EIF4E3: variants seen among roughly 807,000 people sequenced by gnomAD.
EIF4E3 encodes the protein eukaryotic translation initiation factor 4E type 3.
In EIF4E3, 26 loss-of-function variants were observed where a neutral mutation model predicts 31.7. The ratio of observed to expected loss-of-function variants is 0.82; its 90% CI spans 0.60 to 1.14. The LOEUF is 1.14. Among genes scored for constraint, EIF4E3 ranks in the 50% most tolerant of loss-of-function variants. The pLI is 0.00. For missense variants in EIF4E3, 304 were observed against 270.9 expected, an observed-to-expected ratio of 1.12 and a Z score of -0.86; for synonymous variants, 128 against 107.7, an observed-to-expected ratio of 1.19 and a Z score of -1.17.
rs2048931135 is a variant in EIF4E3, at chr3:71,682,087, T to G, written c.*2595A>C. 6.6e-6 allele frequency: 1 copy of G among 152,212 alleles called. No individual in the cohort carries two copies. The highest frequency in any genetic ancestry group is 2.4e-5 in the African/African-American group (1 of 41,460). The allele number at this position is 152,212 out of a possible 1,614,324, so 9.4% of individuals were successfully genotyped here. On this transcript the variant is annotated 3_prime_UTR_variant, in exon 7 of 7. Coordinates refer to ENST00000425534, the MANE Select transcript of EIF4E3 (RefSeq NM_001134651.2). Reference sequence around the variant, plus strand: ...AAAGACAGTCAAAATATAGGCAAGTTACTTTAAATGGGTATTATTTGTCCT... The same window carrying G: ...AAAGACAGTCAAAATATAGGCAAGTGACTTTAAATGGGTATTATTTGTCCT...
In EIF4E3 at chr3:71,678,367, A is replaced by C. The variant is rs1050991495; in HGVS notation, c.*6315T>G. On this transcript the variant is annotated 3_prime_UTR_variant, in exon 7 of 7. Coordinates refer to ENST00000425534, the MANE Select transcript of EIF4E3 (RefSeq NM_001134651.2). ...TGAACTACTACCCTGAAAAATGAAG[A>C]AGCACAAATTCATAGCAATATAGTC... The C allele has an allele frequency of 3.3e-5, 5 of 152,198 alleles. No individual in the cohort carries two copies. Among genetic ancestry groups the C allele is most frequent in the Non-Finnish European group, 7.4e-5 (5 of 68,012 alleles). The allele number at this position is 152,198 out of a possible 1,614,324, so 9.4% of individuals were successfully genotyped here.
At chr3:71,722,111 A>AGGT (rs1311158322) in intron 1 of EIF4E3, among the ~76,000 whole-genome samples, 1 of 112,672 alleles carries the variant, frequency 8.9e-6, no homozygotes, top group Non-Finnish European at 1.8e-5. Flanking sequence ...CGGGGGTGGG[A>AGGT]GGTGGTTACA....
intron 6 of EIF4E3, among the ~76,000 whole-genome samples, chr3:71,687,022 CAG>C (rs139229000): frequency 0.043 from 6,612 of 152,244 alleles, 158 homozygotes; most frequent in Middle Eastern, 0.071. Flanking sequence ...GTTTTTGAGA[CAG>C]AGTTTTTCTC....
downstream of EIF4E3, among the ~76,000 whole-genome samples, chr3:71,671,046 C>T (rs2048844819): frequency 6.6e-6 from 1 of 152,092 alleles, no homozygotes; most frequent in Admixed American, 6.6e-5. Flanking sequence ...TCCTTCAACT[C>T]ATCTAACAGC....
chr3:71,720,670 C>T (rs1041751467), intron 1 of EIF4E3, among the ~76,000 whole-genome samples: 3 of 152,092 alleles, frequency 2.0e-5, no homozygotes, highest in African/African-American at 7.2e-5. Context: ...GGCAGAGGAA[C>T]AGGGCAAAGG....
intron 1 of EIF4E3, among the ~76,000 whole-genome samples, chr3:71,720,402 C>G (rs558003859): frequency 6.6e-6 from 1 of 151,946 alleles, no homozygotes; most frequent in Non-Finnish European, 1.5e-5. Context: ...GCTATGTTGC[C>G]TAGGCTGGTC....
At chr3:71,667,715 CAAG>C in the EIF4E3 span, among the ~76,000 whole-genome samples, 2 of 152,174 alleles carry the variant, frequency 1.3e-5, no homozygotes, top group Admixed American at 6.5e-5. Flanking sequence ...AGGACCTCTT[CAAG>C]AAGAACTACA....
At chr3:71,742,771 G>C (rs1233165059) in intron 1 of EIF4E3, among the ~76,000 whole-genome samples, 1 of 152,062 alleles carries the variant, frequency 6.6e-6, no homozygotes, top group Non-Finnish European at 1.5e-5. Flanking sequence ...ATACAAAAAG[G>C]ATAGTAGTTC....
At chr3:71,663,285 T>C in the EIF4E3 span, among the ~76,000 whole-genome samples, 1 of 152,172 alleles carries the variant, frequency 6.6e-6, no homozygotes, top group East Asian at 1.9e-4. Flanking sequence ...CCTAAACATG[T>C]AATCGGGGAA....
In EIF4E3 at chr3:71,690,073, T is replaced by G. The variant is rs2049042441; in HGVS notation, c.565A>C (p.Thr189Pro). Residue 189 changes from threonine to proline, a missense_variant, in exon 6 of 7, where the codon ACT becomes CCT. By Grantham distance (38) the Thr-to-Pro change is conservative. Coordinates refer to ENST00000425534, the MANE Select transcript of EIF4E3 (RefSeq NM_001134651.2). ...AGTTCATAGATCTTTTCTAAAACAG[T>G]CGCTTCACCCACTAAAGAGGCATTT... Reference protein sequence around the residue: ...NVNASLVGEATVLEKIYELLP... With the variant: ...NVNASLVGEAPVLEKIYELLP... 2 of 1,613,802 alleles carry G rather than the reference T, an allele frequency of 1.2e-6. No individual in the cohort carries two copies. The highest frequency in any genetic ancestry group is 1.7e-6 in the Non-Finnish European group (2 of 1,179,968).
At chr3:71,744,282 A>G (rs1293738220) in intron 1 of EIF4E3, among the ~76,000 whole-genome samples, 1 of 152,236 alleles carries the variant, frequency 6.6e-6, no homozygotes, top group Non-Finnish European at 1.5e-5. Context: ...TTGAAAAAAT[A>G]TGGCAGGTTT....
chr3:71,731,178 C>T (rs1256366440), intron 1 of EIF4E3, among the ~76,000 whole-genome samples: 4 of 152,170 alleles, frequency 2.6e-5, no homozygotes, highest in Non-Finnish European at 5.9e-5. Context: ...GCAGCCTGAA[C>T]AACAGTCCTC....
chr3:71,723,884 C>T (rs1292114913), intron 1 of EIF4E3, among the ~76,000 whole-genome samples: 1 of 152,068 alleles, frequency 6.6e-6, no homozygotes, highest in African/African-American at 2.4e-5. Context: ...CCACCCCCAA[C>T]TTTTTTGGGT....
chr3:71,740,060 A>G (rs943570627), intron 1 of EIF4E3, among the ~76,000 whole-genome samples: 1 of 152,076 alleles, frequency 6.6e-6, no homozygotes, highest in Non-Finnish European at 1.5e-5. Context: ...TGAATCCTAA[A>G]TAAAGCACTA....
intron 5 of EIF4E3, 83 bp from the exon 6 acceptor site, chr3:71,690,248 T>C: frequency 2.1e-6 from 3 of 1,412,238 alleles, no homozygotes; most frequent in East Asian, 4.9e-5. Context: ...TCTTTTTATC[T>C]GAAAATTAAG....
chr3:71,689,906 A>T (rs1037922632), intron 6 of EIF4E3, 104 bp downstream of exon 6: 2 of 1,145,676 alleles, frequency 1.7e-6, no homozygotes, highest in Non-Finnish European at 2.3e-6. Context: ...CTGAATTATC[A>T]AATTTCAAGT....
In EIF4E3 at chr3:71,725,197, G is replaced by A; in HGVS notation, c.171C>T (p.Leu57=). 1 of 1,118,710 alleles carries A rather than the reference G, an allele frequency of 8.9e-7. No homozygotes were observed. Among genetic ancestry groups the A allele is most frequent in the Non-Finnish European group, 1.1e-6 (1 of 913,714 alleles). 69.3% of individuals were successfully genotyped at this position (1,118,710 alleles called of 1,614,324 possible). Reference sequence around the variant, plus strand: ...CGGGCCCCGCGCCCCCTCACCTGTCGAGCCAGAAGGTCCAGGACGAGTGCA... The same window carrying A: ...CGGGCCCCGCGCCCCCTCACCTGTCAAGCCAGAAGGTCCAGGACGAGTGCA... The part of the protein sequence containing the change: ...VPLHSSWTFW[L]DRSLPGATAA... Residue 57 remains leucine, a synonymous_variant, in exon 1 of 7, where the codon CTC becomes CTT. Coordinates refer to ENST00000425534, the MANE Select transcript of EIF4E3 (RefSeq NM_001134651.2). The surrounding 1 kb of genome is among the most constrained non-coding windows in gnomAD (Gnocchi z 6.1).
chr3:71,667,027 C>G, the EIF4E3 span, among the ~76,000 whole-genome samples: 1 of 152,174 alleles, frequency 6.6e-6, no homozygotes, highest in African/African-American at 2.4e-5. Flanking sequence ...AAACCGAATG[C>G]AGCAGCACAT....
At chr3:71,738,839 C>G (rs981864635) in intron 1 of EIF4E3, among the ~76,000 whole-genome samples, 6 of 151,298 alleles carry the variant, frequency 4.0e-5, no homozygotes, top group Non-Finnish European at 7.4e-5. Context: ...TAGCAGAACA[C>G]AATTTTTTTT....
Sources: gnomAD v4.1 joint callset for allele counts (sites outside exome capture counted in the v4.1 genomes callset) on GRCh38, gnomAD v4.1.1 for gene constraint, Gnocchi (gnomAD v3.1) non-coding constraint, MANE v1.5 for transcripts, NCBI Gene and HGNC (gene_info 2026-07-23, HGNC 2026-07-21) for gene names.